Variants in TRAF3 observed in about 807,000 individuals in gnomAD.
TRAF3 encodes the protein TNF receptor-associated factor 3.
Under a neutral mutation model 62.3 loss-of-function variants are expected in TRAF3, and 13 were observed. The observed-to-expected ratio is 0.21, with a 90% CI of 0.14 to 0.33. TRAF3 has a LOEUF of 0.33. Among genes scored for constraint, TRAF3 ranks in the 10% least tolerant of loss-of-function variants. The pLI is 1.00. For missense variants in TRAF3, 440 were observed against 741.8 expected, an observed-to-expected ratio of 0.59 and a Z score of 4.73; for synonymous variants, 269 against 283.4, an observed-to-expected ratio of 0.95 and a Z score of 0.51.
chr14:102,875,511 T>G (rs1595383923), intron 4 of TRAF3, 113 bp from the exon 5 acceptor site: 1 of 863,046 alleles, frequency 1.2e-6, no homozygotes, highest in African/African-American at 1.8e-5. Context: ...TGAAGTTCAC[T>G]TAAGAGTTCC....
chr14:102,874,981 CTT>C (rs1316261271), intron 4 of TRAF3, among the ~76,000 whole-genome samples: 1 of 152,130 alleles, frequency 6.6e-6, no homozygotes, highest in African/African-American at 2.4e-5. Context: ...AAAGGGAAAT[CTT>C]TTCATTATTA....
intron 10 of TRAF3, among the ~76,000 whole-genome samples, chr14:102,900,181 A>G (rs1363034461): frequency 5.9e-4 from 63 of 105,996 alleles, no homozygotes; most frequent in East Asian, 1.3e-3. Flanking sequence ...TCCGTCTCGG[A>G]AAAAAAAAAA....
intron 2 of TRAF3, among the ~76,000 whole-genome samples, chr14:102,846,638 T>TAAAAAAAAAAAAA (rs752922791): frequency 2.2e-4 from 16 of 71,750 alleles, no homozygotes; most frequent in African/African-American, 1.0e-3. Flanking sequence ...TCCAGCTTCT[T>TAAAAAAAAAAAAA]AAAAAAAAAA....
chr14:102,811,728 AGTGTGTGTGTGTGTGT>A (rs146439927), intron 1 of TRAF3, among the ~76,000 whole-genome samples: 6 of 138,540 alleles, frequency 4.3e-5, no homozygotes, highest in African/African-American at 1.1e-4. Context: ...CTACAGCAGT[AGTGTGTGTGTGTGTGT>A]GTGTGTGTGT....
intron 1 of TRAF3, among the ~76,000 whole-genome samples, chr14:102,828,035 C>A (rs1008879544): frequency 6.6e-6 from 1 of 152,274 alleles, no homozygotes; most frequent in African/African-American, 2.4e-5. Context: ...TCGTAGCGCA[C>A]AGCGCACTCG....
At chr14:102,800,196 C>T (rs1308709247) in intron 1 of TRAF3, among the ~76,000 whole-genome samples, 2 of 152,180 alleles carry the variant, frequency 1.3e-5, no homozygotes, top group Non-Finnish European at 2.9e-5. Context: ...TAAAGAACTC[C>T]TGGGAGTGCT....
intron 1 of TRAF3, among the ~76,000 whole-genome samples, chr14:102,781,935 A>C (rs900568112): frequency 1.3e-5 from 2 of 151,794 alleles, no homozygotes; most frequent in African/African-American, 4.8e-5. Flanking sequence ...TGGGGACCAC[A>C]GGTGTGTGCC....
At position 102,822,483 on chromosome 14, in the gene TRAF3, AAGAATC is replaced by A. The variant is rs1261002248; in HGVS notation, c.-156-7847_-156-7842del. 6.6e-5 allele frequency among the ~76,000 whole-genome samples: 10 copies of A among 152,364 alleles called. No individual in the cohort carries two copies. In the East Asian group the frequency reaches 1.9e-3, roughly 29 times the overall value. On this transcript the variant is annotated intron_variant, in intron 1 of 11. Transcript: ENST00000392745. ...GTAACTTGAAATGCAGTATCATAAA[AAGAATC>A]AGATCTACCAAACTGAAAATGTGTG... is the stretch of plus-strand genomic sequence containing the variant.
At chr14:102,800,901 G>GGGCGC (rs1171834265) in intron 1 of TRAF3, among the ~76,000 whole-genome samples, 4 of 152,024 alleles carry the variant, frequency 2.6e-5, no homozygotes, top group Non-Finnish European at 5.9e-5. Context: ...GGTTCTGGCC[G>GGGCGC]GGCGCGGTGG....
At chr14:102,904,446 C>A (rs1208498802) in intron 11 of TRAF3, among the ~76,000 whole-genome samples, 1 of 152,094 alleles carries the variant, frequency 6.6e-6, no homozygotes, top group Non-Finnish European at 1.5e-5. Context: ...GAGGCTGAGG[C>A]AGGAGGATTA....
intron 2 of TRAF3, among the ~76,000 whole-genome samples, chr14:102,843,875 A>G (rs926578533): frequency 1.1e-4 from 16 of 152,226 alleles, no homozygotes; most frequent in Admixed American, 2.0e-4. Flanking sequence ...AAGAAAAAAC[A>G]GATATAAATA....
At chr14:102,782,701 TAA>T (rs34834554) in intron 1 of TRAF3, among the ~76,000 whole-genome samples, 315 of 146,378 alleles carry the variant, frequency 2.2e-3, no homozygotes, top group Middle Eastern at 3.6e-3. Context: ...TTTCGAGCAT[TAA>T]AAAAAAAAAA....
rs928942014 is a variant in TRAF3, at chr14:102,897,135, T to G, written c.820-126T>G. 3 of 918,396 alleles carry G rather than the reference T, an allele frequency of 3.3e-6. No individual in the cohort carries two copies. In the East Asian group the frequency reaches 8.0e-5, roughly 25 times the overall value. 56.9% of individuals were successfully genotyped at this position (918,396 alleles called of 1,614,324 possible). ...ACTGTCATTTTCTGTGTGAAGGGAT[T>G]TTTTTCTTCTGAAACTCTGTCAATA... On this transcript the variant is annotated intron_variant, in intron 9 of 11. Transcript: ENST00000392745.
intron 2 of TRAF3, among the ~76,000 whole-genome samples, chr14:102,832,471 C>T (rs1280940092): frequency 7.3e-5 from 11 of 151,598 alleles, no homozygotes; most frequent in East Asian, 1.9e-4. Flanking sequence ...GTCAGGAGTT[C>T]GAGACCAGCC....
intron 2 of TRAF3, among the ~76,000 whole-genome samples, chr14:102,863,577 A>G (rs902786831): frequency 6.6e-6 from 1 of 152,176 alleles, no homozygotes; most frequent in African/African-American, 2.4e-5. Flanking sequence ...GGGCCTTTTC[A>G]GGTCTTTCCT....
At position 102,850,688 on chromosome 14, in the gene TRAF3, T is replaced by TAAAAAA. The variant is rs35096461; in HGVS notation, c.-17-19478_-17-19473dup. Among the ~76,000 whole-genome samples the TAAAAAA allele has an allele frequency of 2.9e-4, 25 of 87,482 alleles. 1 individual carries two copies. Among genetic ancestry groups the TAAAAAA allele is most frequent in the African/African-American group, 7.3e-4 (15 of 20,542 alleles). The allele number at this position is 87,482 out of a possible 152,430, so 57.4% of individuals were successfully genotyped here. ...CTGGGCGATAGAGTGAGACTCCGTC[T>TAAAAAA]AAAAAAAAAAAAAAAAAAAAAAAAG... On this transcript the variant is annotated intron_variant, in intron 2 of 11. Transcript: ENST00000392745.
At chr14:102,797,589 G>A (rs866666852) in intron 1 of TRAF3, among the ~76,000 whole-genome samples, 2 of 152,144 alleles carry the variant, frequency 1.3e-5, no homozygotes, top group Admixed American at 6.5e-5. Context: ...GTGACCTTAG[G>A]CAAATCATTG....
At chr14:102,821,272 T>G (rs997301374) in intron 1 of TRAF3, among the ~76,000 whole-genome samples, 3 of 152,254 alleles carry the variant, frequency 2.0e-5, no homozygotes, top group Non-Finnish European at 4.4e-5. Flanking sequence ...GTGACACTTT[T>G]AGTAACACCG....
intron 2 of TRAF3, among the ~76,000 whole-genome samples, chr14:102,853,102 A>G (rs566422862): frequency 2.4e-4 from 37 of 152,110 alleles, no homozygotes; most frequent in African/African-American, 8.7e-4. Context: ...GGGTTTTGCC[A>G]TGTTGGCCAG....
Sources: gnomAD v4.1 joint callset for allele counts (sites outside exome capture counted in the v4.1 genomes callset) on GRCh38, gnomAD v4.1.1 for gene constraint, MANE v1.5 for transcripts, NCBI Gene and HGNC (gene_info 2026-07-23, HGNC 2026-07-21) for gene names.